Variants in DLGAP2 observed in about 807,000 individuals in gnomAD.
The protein encoded by DLGAP2 is disks large-associated protein 2.
Under a neutral mutation model 100.3 loss-of-function variants are expected in DLGAP2, and 26 were observed. That is an observed-to-expected ratio of 0.26 (90% CI 0.19 to 0.36). DLGAP2 has a LOEUF of 0.36. Among genes scored for constraint, DLGAP2 ranks in the 10% least tolerant of loss-of-function variants. DLGAP2 has a pLI of 1.00. For missense variants in DLGAP2, 1,858 were observed against 1,453.2 expected, an observed-to-expected ratio of 1.28 and a Z score of -4.53; for synonymous variants, 886 against 630.1, an observed-to-expected ratio of 1.41 and a Z score of -6.08.
At chr8:764,043 C>G (rs1053656583) in intron 1 of DLGAP2, among the ~76,000 whole-genome samples, 2 of 152,110 alleles carry the variant, frequency 1.3e-5, no homozygotes, top group African/African-American at 4.8e-5. Context: ...GTGTGTATGT[C>G]TTAAGACTTC....
chr8:1,548,280 C>T (rs963775386), intron 4 of DLGAP2, among the ~76,000 whole-genome samples: 5 of 151,598 alleles, frequency 3.3e-5, no homozygotes, highest in Non-Finnish European at 5.9e-5. Context: ...ACCAACATGG[C>T]GAAACCTCGT....
At chr8:1,652,395 C>T (rs749571150) in intron 8 of DLGAP2, among the ~76,000 whole-genome samples, 4 of 152,270 alleles carry the variant, frequency 2.6e-5, no homozygotes, top group Non-Finnish European at 4.4e-5. Flanking sequence ...TAGAACAGTG[C>T]TTGGCACATA....
In DLGAP2 at chr8:1,702,362, T is replaced by TA. The variant is rs71910601; in HGVS notation, c.*965dup. 17,320 of 140,952 alleles carry TA rather than the reference T, an allele frequency of 0.12. 1,229 individuals are homozygous for TA. Among genetic ancestry groups the TA allele is most frequent in the Admixed American group, 0.22 (3,003 of 13,444 alleles). 8.7% of individuals were successfully genotyped at this position (140,952 alleles called of 1,614,324 possible). A position where few individuals can be genotyped will look rare whatever the true frequency, so the allele number is the denominator to read the frequency against. On this transcript the variant is annotated 3_prime_UTR_variant, in exon 15 of 15. Transcript: ENST00000637795. ...ATCAGCTGACTTTTCAGGGTATCCT[T>TA]AAAAAAAAACACACACGAAAAACAA...
chr8:1,145,735 G>C (rs1283808985), intron 2 of DLGAP2, among the ~76,000 whole-genome samples: 1 of 148,660 alleles, frequency 6.7e-6, no homozygotes, highest in Non-Finnish European at 1.5e-5. Flanking sequence ...TTAGCATTAG[G>C]TATATCTCCT....
chr8:1,438,997 G>A (rs1285052214), intron 3 of DLGAP2, among the ~76,000 whole-genome samples: 2 of 152,118 alleles, frequency 1.3e-5, no homozygotes, highest in African/African-American at 4.8e-5. Context: ...TTCTTATGAA[G>A]AAACAAAGCT....
intron 2 of DLGAP2, among the ~76,000 whole-genome samples, chr8:1,234,627 C>G (rs774018798): frequency 3.3e-5 from 5 of 152,194 alleles, no homozygotes; most frequent in Non-Finnish European, 7.3e-5. Flanking sequence ...TAGATGGTTT[C>G]AGCTCTAAAA....
At chr8:1,066,359 C>G (rs1363723397) in intron 2 of DLGAP2, among the ~76,000 whole-genome samples, 1 of 149,682 alleles carries the variant, frequency 6.7e-6, no homozygotes, top group African/African-American at 2.5e-5. Context: ...ACGGTCAGGT[C>G]TGAGTGAGGA....
intron 2 of DLGAP2, among the ~76,000 whole-genome samples, chr8:986,912 G>A (rs111683777): frequency 1.3e-5 from 2 of 152,198 alleles, no homozygotes; most frequent in African/African-American, 2.4e-5. Context: ...CACCCGTCTC[G>A]ACCTTCCAGA....
At chr8:1,057,800 T>C (rs1050349838) in intron 2 of DLGAP2, among the ~76,000 whole-genome samples, 1 of 152,188 alleles carries the variant, frequency 6.6e-6, no homozygotes, top group Admixed American at 6.5e-5. Context: ...GAGATAATCT[T>C]TAGTTCAATG....
At chr8:765,704 A>G (rs918127518) in intron 1 of DLGAP2, among the ~76,000 whole-genome samples, 2 of 152,202 alleles carry the variant, frequency 1.3e-5, no homozygotes, top group African/African-American at 4.8e-5. Flanking sequence ...ATGGTCAGCA[A>G]CATGGTGCCT....
chr8:1,682,431 T>C (rs1018159409), intron 12 of DLGAP2, among the ~76,000 whole-genome samples: 3 of 152,104 alleles, frequency 2.0e-5, no homozygotes, highest in Admixed American at 2.0e-4. Flanking sequence ...TGATGACGTA[T>C]AGGGACCCAA....
At chr8:1,119,485 G>T (rs1000193407) in intron 2 of DLGAP2, among the ~76,000 whole-genome samples, 3 of 152,154 alleles carry the variant, frequency 2.0e-5, no homozygotes, top group Non-Finnish European at 4.4e-5. Flanking sequence ...TGAGCACAAG[G>T]CCCATTGCTT....
rs370589341 is a variant in DLGAP2 at position 1,551,692 on chromosome 8, C to T, written c.1230+2009C>T. Among the ~76,000 whole-genome samples the T allele has an allele frequency of 7.0e-4, 107 of 152,182 alleles. No homozygotes were observed. The South Asian group carries it at 0.018, about 26-fold the overall frequency. On this transcript the variant is annotated intron_variant, in intron 5 of 14. Coordinates refer to ENST00000637795, the MANE Select transcript of DLGAP2 (RefSeq NM_001346810.2). ...TCCGAAAGTGACCTCATTCCATCTG[C>T]ACTCACGCCTTCCCACCCAGGCTAC... is the stretch of plus-strand genomic sequence containing the variant.
intron 2 of DLGAP2, among the ~76,000 whole-genome samples, chr8:948,150 G>C (rs1799379610): frequency 1.3e-5 from 2 of 152,260 alleles, no homozygotes; most frequent in African/African-American, 4.8e-5. Flanking sequence ...CTGCTGCCCA[G>C]CTGTGGGCGT....
chr8:1,194,629 C>G (rs929954515), intron 2 of DLGAP2, among the ~76,000 whole-genome samples: 1 of 152,190 alleles, frequency 6.6e-6, no homozygotes, highest in Non-Finnish European at 1.5e-5. Context: ...GAAGCCGAGT[C>G]CTTGCTATAG....
intron 2 of DLGAP2, among the ~76,000 whole-genome samples, chr8:1,165,041 G>A (rs1215999214): frequency 6.6e-6 from 1 of 152,002 alleles, no homozygotes; most frequent in Non-Finnish European, 1.5e-5. Flanking sequence ...GGAGTCCGGG[G>A]TCCTGGCTAA....
At position 1,204,426 on chromosome 8, in the gene DLGAP2, G is replaced by A. The variant is rs142568058; in HGVS notation, c.74-54425G>A. Among the ~76,000 whole-genome samples the A allele has an allele frequency of 7.9e-5, 12 of 152,362 alleles. No individual in the cohort carries two copies. The East Asian group carries it at 1.9e-3, about 25-fold the overall frequency. On this transcript the variant is annotated intron_variant, in intron 2 of 14. Transcript: ENST00000637795. ...ACAGGTGTGAGTGACGGTGGACCCC[G>A]GCTGGAAGCCAGGCTGACCGTGTAA...
At chr8:1,138,354 G>A (rs1796460352) in intron 2 of DLGAP2, among the ~76,000 whole-genome samples, 1 of 152,222 alleles carries the variant, frequency 6.6e-6, no homozygotes. Context: ...AGCTCTGCAG[G>A]CCCTGCCTGC....
intron 3 of DLGAP2, among the ~76,000 whole-genome samples, chr8:1,490,143 G>A (rs1360471566): frequency 1.3e-5 from 2 of 152,140 alleles, no homozygotes; most frequent in Admixed American, 6.5e-5. Context: ...ACCTGCCTCA[G>A]CCTCCCAAAG....
Sources: gnomAD v4.1 joint callset for allele counts (sites outside exome capture counted in the v4.1 genomes callset) on GRCh38, gnomAD v4.1.1 for gene constraint, MANE v1.5 for transcripts, NCBI Gene and HGNC (gene_info 2026-07-23, HGNC 2026-07-21) for gene names.